Variants in HECTD4 observed in about 807,000 individuals in gnomAD.
HECTD4 encodes HECT domain E3 ubiquitin protein ligase 4.
HECTD4 carries 114 observed loss-of-function variants against 471.5 expected under a neutral mutation model. The observed-to-expected ratio is 0.24, with a 90% CI of 0.21 to 0.28. The LOEUF (loss-of-function observed/expected upper bound fraction) is 0.28, where lower values mean the gene tolerates loss of function less well. Among genes scored for constraint, HECTD4 ranks in the 10% least tolerant of loss-of-function variants. The pLI, the probability that HECTD4 is intolerant of heterozygous loss-of-function variation, is 1.00. For synonymous variants in HECTD4, 2,012 were observed against 2,256.0 expected (o/e 0.89, Z 3.07); for missense variants, 3,866 against 5,651.5 (o/e 0.68, Z 10.13).
At chr12:112,348,998 G>A (rs993049493) in intron 1 of HECTD4, among the ~76,000 whole-genome samples, 1 of 152,092 alleles carries the variant, frequency 6.6e-6, no homozygotes, top group Non-Finnish European at 1.5e-5. Context: ...TGAATGAGGA[G>A]GAGGGATATG....
Position 112,184,417 on chromosome 12 carries a change from C to T in HECTD4, c.10549G>A (p.Glu3517Lys), listed in dbSNP as rs763692905. 1 of 1,605,448 alleles carries T rather than the reference C, an allele frequency of 6.2e-7. No homozygotes were observed. The highest frequency in any genetic ancestry group is 1.7e-5 in the Admixed American group (1 of 58,906). Residue 3517 changes from glutamate (E) to lysine (K), a missense_variant, in exon 61 of 76, where the codon GAG (glutamate) becomes AAG (lysine). Coordinates refer to ENST00000682272, the MANE Select transcript of HECTD4 (RefSeq NM_001388303.1). The surrounding 1 kb of genome is among the most constrained non-coding windows in gnomAD (Gnocchi z 9.1). Reference sequence around the variant, plus strand: ...AACAGGCCCGGAGGGATGGGCAGCTCGAGGCCGGCAGGCAGCGGATCCACA... The same window carrying T: ...AACAGGCCCGGAGGGATGGGCAGCTTGAGGCCGGCAGGCAGCGGATCCACA... ...LSVDPLPAGL[E>K]LPIPPGLLEP...
chr12:112,313,574 A>C (rs1594035797), intron 3 of HECTD4, among the ~76,000 whole-genome samples: 2 of 134,182 alleles, frequency 1.5e-5, no homozygotes, highest in South Asian at 2.3e-4. Flanking sequence ...TGCAAGCTCC[A>C]CCTCCCAGGT....
chr12:112,182,724 T>C (rs1220348685), intron 62 of HECTD4, among the ~76,000 whole-genome samples: 3 of 152,280 alleles, frequency 2.0e-5, no homozygotes, highest in Non-Finnish European at 2.9e-5. Context: ...CCTCTCCAGC[T>C]GGAACGCGGC....
intron 4 of HECTD4, among the ~76,000 whole-genome samples, chr12:112,311,301 A>G (rs988751244): frequency 2.0e-5 from 3 of 151,982 alleles, no homozygotes; most frequent in Middle Eastern, 3.4e-3. Flanking sequence ...TCTAAAAACT[A>G]TATAAGAAAA....
At chr12:112,322,625 T>A (rs1245132395) in intron 1 of HECTD4, 1 of 152,438 alleles carries the variant, frequency 6.6e-6, no homozygotes, top group Non-Finnish European at 1.5e-5. Flanking sequence ...GGTAAGAAGA[T>A]GATCTGCAGC....
intron 7 of HECTD4, chr12:112,302,007 T>A (rs2035176621): frequency 1.5e-5 from 14 of 925,060 alleles, no homozygotes; most frequent in South Asian, 1.3e-4. Context: ...TTGGTCCTGA[T>A]ACCTTCCACC....
chr12:112,327,744 C>G (rs912286166), intron 1 of HECTD4, among the ~76,000 whole-genome samples: 8 of 152,202 alleles, frequency 5.3e-5, no homozygotes, highest in Non-Finnish European at 8.8e-5. Flanking sequence ...ACAAGTACCA[C>G]AGGAAATGCT....
intron 60 of HECTD4, among the ~76,000 whole-genome samples, chr12:112,189,550 CA>C (rs57209316): frequency 5.0e-3 from 152 of 30,464 alleles, no homozygotes; most frequent in African/African-American, 9.0e-3. Context: ...GACTCCGTCT[CA>C]AAAAAAAAAA....
Position 112,319,764 on chromosome 12 carries a change from A to C in HECTD4, c.178-22T>G. ...AAATCTAAGGAAAAAGACGATGGAG[A>C]AGTGGGTAAATATTACTTTCACCAA... On this transcript the variant is annotated intron_variant, in intron 1 of 75. Coordinates refer to ENST00000682272, the MANE Select transcript of HECTD4 (RefSeq NM_001388303.1). The surrounding 1 kb of genome is among the most constrained non-coding windows in gnomAD (Gnocchi z 5.3). 1.6e-6 allele frequency: 2 copies of C among 1,244,626 alleles called. No homozygotes were observed. Among genetic ancestry groups the C allele is most frequent in the Non-Finnish European group, 2.0e-6 (2 of 994,554 alleles). 77.1% of individuals were successfully genotyped at this position (1,244,626 alleles called of 1,614,324 possible).
rs61941325 is a variant in HECTD4, at chr12:112,166,136, C to T, written c.12534+1181G>A. 1 of 152,400 alleles carries T rather than the reference C, an allele frequency of 6.6e-6. No individual in the cohort carries two copies. The highest frequency in any genetic ancestry group is 1.5e-5 in the Non-Finnish European group (1 of 68,218). 9.4% of individuals were successfully genotyped at this position (152,400 alleles called of 1,614,324 possible). ...CCCTGCTGCCCCAGCCTGTGCTGCA[C>T]CCAGAGCCCCAGGAGGACTCCTCGG... On this transcript the variant is annotated intron_variant, in intron 72 of 75. Coordinates refer to ENST00000682272, the MANE Select transcript of HECTD4 (RefSeq NM_001388303.1). The surrounding 1 kb of genome is among the most constrained non-coding windows in gnomAD (Gnocchi z 4.6).
chr12:112,328,221 C>A (rs1398347239), intron 1 of HECTD4, among the ~76,000 whole-genome samples: 3 of 152,042 alleles, frequency 2.0e-5, no homozygotes, highest in Non-Finnish European at 4.4e-5. Flanking sequence ...TTACTGCAAC[C>A]TCCACCACCT....
intron 7 of HECTD4, among the ~76,000 whole-genome samples, chr12:112,285,118 G>A (rs923133727): frequency 2.0e-5 from 3 of 152,210 alleles, no homozygotes; most frequent in South Asian, 4.1e-4. Context: ...AATTACAGGC[G>A]TGAGCCACCA....
Position 112,217,090 on chromosome 12 carries a change from C to G in HECTD4, c.7180G>C (p.Gly2394Arg). ...SVTFLADPSA[G>R]GGLPRGTFIY... is the part of the protein sequence containing the mutation. ...AAAGTGCCCCGGGGCAGGCCTCCCC[C>G]AGCGCTGGGGTCAGCCAGGAAGGTG... is the stretch of plus-strand genomic sequence containing the variant. The change falls in exon 46 of 76, where the codon GGG becomes CGG. Residue 2394 changes from glycine to arginine, a missense_variant. Around this residue, in one of 16 missense-constraint regions of HECTD4, gnomAD observed 617 missense variants for 915.1 expected, o/e 0.67. Coordinates refer to ENST00000682272, the MANE Select transcript of HECTD4 (RefSeq NM_001388303.1). 1 of 1,590,740 alleles carries G rather than the reference C, an allele frequency of 6.3e-7. No homozygotes were observed. The highest frequency in any genetic ancestry group is 1.8e-5 in the Admixed American group (1 of 56,550).
In HECTD4 at chr12:112,194,834, C is replaced by A; in HGVS notation, c.8749+51G>T. On this transcript the variant is annotated intron_variant, in intron 56 of 75. Transcript: ENST00000682272. The surrounding 1 kb of genome is among the most constrained non-coding windows in gnomAD (Gnocchi z 4.6). ...CAGGGAATGACTACACTGTGCACAGCGCCCGCCTGGTGCTAAGTTCCAGAG... is the reference window on the plus strand; with the variant it reads ...CAGGGAATGACTACACTGTGCACAGAGCCCGCCTGGTGCTAAGTTCCAGAG... 2.6e-6 allele frequency: 4 copies of A among 1,512,984 alleles called. No individual in the cohort carries two copies. The highest frequency in any genetic ancestry group is 3.6e-6 in the Non-Finnish European group (4 of 1,108,676). The allele number at this position is 1,512,984 out of a possible 1,614,324, so 93.7% of individuals were successfully genotyped here. A position where few individuals can be genotyped will look rare whatever the true frequency, so the allele number is the denominator to read the frequency against.
chr12:112,190,662 G>C, intron 60 of HECTD4, 124 bp downstream of exon 60: 2 of 749,528 alleles, frequency 2.7e-6, no homozygotes, highest in Non-Finnish European at 2.1e-6. Flanking sequence ...GCAATCTGAA[G>C]GAGGCTGCAG....
Position 112,270,867 on chromosome 12 carries a change from A to G in HECTD4, c.1943-408T>C, listed in dbSNP as rs114953119. Among the ~76,000 whole-genome samples, 485 of 152,286 alleles carry G rather than the reference A, an allele frequency of 3.2e-3. 2 individuals carry two copies. The highest frequency in any genetic ancestry group is 9.8e-3 in the African/African-American group (409 of 41,562). On this transcript the variant is annotated intron_variant, in intron 11 of 75. Transcript: ENST00000682272. ...CAGGCCACCTCATTCCACAGCCCCT[A>G]CTGGTAACCATTCTAGTAAAACCTC...
Position 112,185,374 on chromosome 12 carries a change from A to G in HECTD4, c.9592T>C (p.Ser3198Pro). 6.2e-7 allele frequency: 1 copy of G among 1,610,624 alleles called. No individual in the cohort carries two copies. Among genetic ancestry groups the G allele is most frequent in the African/African-American group, 1.3e-5 (1 of 75,008 alleles). ...TTCAGCTGGAGGGCGATTGAGGAGG[A>G]CAGGCCAGCGGGGTGCCGCCTCTGC... Reference protein sequence around the residue: ...LEQRRHPAGLSSSIALQLNPC... With the variant: ...LEQRRHPAGLPSSIALQLNPC... The change falls in exon 61 of 76, where the codon TCC (serine) becomes CCC (proline). Residue 3198 changes from serine (S) to proline (P), a missense_variant. Transcript: ENST00000682272.
chr12:112,222,607 T>C (rs1566078028), intron 44 of HECTD4, among the ~76,000 whole-genome samples: 2 of 152,106 alleles, frequency 1.3e-5, no homozygotes, highest in South Asian at 2.1e-4. Context: ...GCAGAGATTG[T>C]AGTGAGCTAA....
At chr12:112,357,726 A>C (rs1158899598) in intron 1 of HECTD4, among the ~76,000 whole-genome samples, 1 of 152,118 alleles carries the variant, frequency 6.6e-6, no homozygotes, top group Non-Finnish European at 1.5e-5. Flanking sequence ...TTCAAAAAAG[A>C]CTCCTAGATT....
Sources: allele counts gnomAD v4.1 joint callset (sites outside exome capture counted in the v4.1 genomes callset), GRCh38; gene constraint gnomAD v4.1.1; regional missense constraint gnomAD v4.1.1; non-coding constraint Gnocchi (gnomAD v3.1); transcripts MANE v1.5; gene names NCBI Gene and HGNC (gene_info 2026-07-23, HGNC 2026-07-21).